The following REXO4 variants were observed in gnomAD, a reference collection of about 807,000 sequenced individuals.
REXO4 encodes REX4 homolog, 3'-5' exonuclease.
In REXO4, 29 loss-of-function variants were observed where a neutral mutation model predicts 39.9. The observed-to-expected ratio is 0.73, with a 90% CI of 0.54 to 0.99. The LOEUF (loss-of-function observed/expected upper bound fraction) is 0.99. Among genes scored for constraint, REXO4 ranks in the 50% least tolerant of loss-of-function variants. The pLI is 0.00. For missense variants in REXO4, 524 were observed against 546.5 expected, an observed-to-expected ratio of 0.96 and a Z score of 0.41; for synonymous variants, 184 against 206.2, an observed-to-expected ratio of 0.89 and a Z score of 0.92.
Position 133,412,512 on chromosome 9 carries a change from T to C in REXO4, c.717-20A>G, listed in dbSNP as rs1554780389. ...GTCAGGCTGAAGGGTAACCAAAGGC[T>C]GTAGTTTAATAAACACGGCAGGCCA... On this transcript the variant is annotated intron_variant, in intron 3 of 7. Coordinates refer to ENST00000371942, the MANE Select transcript of REXO4 (RefSeq NM_020385.4). 6.2e-7 allele frequency: 1 copy of C among 1,612,830 alleles called. No individual in the cohort carries two copies. The highest frequency in any genetic ancestry group is 1.3e-5 in the African/African-American group (1 of 74,896).
chr9:133,408,890 G>A (rs1839055668), intron 5 of REXO4, 48 bp from the exon 6 acceptor site: 1 of 1,197,046 alleles, frequency 8.4e-7, no homozygotes, highest in Non-Finnish European at 1.2e-6. Context: ...TTGGTTTGTA[G>A]TAGCAGAACC....
chr9:133,408,934 TTGTGTGTGTG>T (rs71503345), intron 5 of REXO4, 92 bp from the exon 6 acceptor site: 7,929 of 320,746 alleles, frequency 0.025, 133 homozygotes, highest in Non-Finnish European at 0.033. Context: ...AGTAACATCT[TTGTGTGTGTG>T]TGTGTGTGTG....
Position 133,414,752 on chromosome 9 carries a change from C to T in REXO4, c.485G>A (p.Arg162Lys), listed in dbSNP as rs781924959. The T allele has an allele frequency of 1.5e-5, 24 of 1,614,068 alleles. No homozygotes were observed. The highest frequency in any genetic ancestry group is 1.9e-5 in the Non-Finnish European group (22 of 1,180,060). The change falls in exon 2 of 8, where the codon AGG (arginine) becomes AAG (lysine). Residue 162 changes from arginine (R) to lysine (K), a missense_variant. Coordinates refer to ENST00000371942, the MANE Select transcript of REXO4 (RefSeq NM_020385.4). ...TEHNKKGTKE[R>K]TNGDIVPERG... ...TTCTGGAACAATATCACCATTTGTCCTTTCCTTGGTTCCTTTCTTATTGTG... is the reference window on the plus strand; with the variant it reads ...TTCTGGAACAATATCACCATTTGTCTTTTCCTTGGTTCCTTTCTTATTGTG...
At chr9:133,412,240 G>A in intron 4 of REXO4, 59 bp downstream of exon 4, 2 of 1,551,170 alleles carry the variant, frequency 1.3e-6, no homozygotes, top group Non-Finnish European at 1.8e-6. Context: ...GAACAAAAGG[G>A]AGAAAACGAA....
chr9:133,413,975 C>T (rs1554780845), intron 2 of REXO4, among the ~76,000 whole-genome samples: 2 of 152,222 alleles, frequency 1.3e-5, no homozygotes, highest in African/African-American at 4.8e-5. Flanking sequence ...CAACATGAAG[C>T]CAGCTGTAAC....
chr9:133,412,207 TGAGTGGTC>T (rs1839248193), intron 4 of REXO4, 84 bp downstream of exon 4: 1 of 1,317,196 alleles, frequency 7.6e-7, no homozygotes, highest in African/African-American at 1.4e-5. Context: ...CCAGCTGCAG[TGAGTGGTC>T]TCAGACAGAA....
intron 2 of REXO4, among the ~76,000 whole-genome samples, chr9:133,413,875 C>G (rs1554780831): frequency 2.6e-5 from 4 of 152,176 alleles, no homozygotes; most frequent in South Asian, 2.1e-4. Flanking sequence ...TCACTGAACT[C>G]TATCCCAGAC....
In REXO4 at chr9:133,408,934, T is replaced by TTGTGTG. The variant is rs71503345; in HGVS notation, c.1000-98_1000-93dup. 7.4e-3 allele frequency: 2,386 copies of TTGTGTG among 321,296 alleles called. 69 individuals are homozygous for TTGTGTG. The highest frequency in any genetic ancestry group is 0.042 in the African/African-American group (1,218 of 29,312). The allele number at this position is 321,296 out of a possible 1,614,324, so 19.9% of individuals were successfully genotyped here. ...CCGCCACCTTTTGCAAGTAACATCT[T>TTGTGTG]TGTGTGTGTGTGTGTGTGTGTGTGT... On this transcript the variant is annotated intron_variant, in intron 5 of 7. Coordinates refer to ENST00000371942, the MANE Select transcript of REXO4 (RefSeq NM_020385.4).
Position 133,406,938 on chromosome 9 carries a change from A to C in REXO4, c.*15T>G, listed in dbSNP as rs1838906554. 1 of 1,609,136 alleles carries C rather than the reference A, an allele frequency of 6.2e-7. No individual in the cohort carries two copies. Among genetic ancestry groups the C allele is most frequent in the East Asian group, 2.2e-5 (1 of 44,880 alleles). On this transcript the variant is annotated 3_prime_UTR_variant, in exon 8 of 8. Transcript: ENST00000371942. ...GCCTCTGTAGCGGGGCGGCAGCAGC[A>C]GCAGGGCAGGACTGCTAGGCGTCGT...
At position 133,407,813 on chromosome 9, in the gene REXO4, G is replaced by A. The variant is rs1838991300; in HGVS notation, c.1143C>T (p.His381=). Reference sequence around the variant, plus strand: ...CCCCACAGGACACACTTACTGAACAGTGCTCCGCCTGCTGGACCTGGAGCC... The same window carrying A: ...CCCCACAGGACACACTTACTGAACAATGCTCCGCCTGCTGGACCTGGAGCC... ...ILGLQVQQAE[H]CSIQDAQAAM... is the part of the protein sequence containing the mutation. The change falls in exon 7 of 8, where the codon CAC becomes CAT. Residue 381 remains histidine (H), a synonymous_variant. Coordinates refer to ENST00000371942, the MANE Select transcript of REXO4 (RefSeq NM_020385.4). 4 of 1,613,780 alleles carry A rather than the reference G, an allele frequency of 2.5e-6. No individual in the cohort carries two copies. Among genetic ancestry groups the A allele is most frequent in the Non-Finnish European group, 3.4e-6 (4 of 1,179,850 alleles).
Position 133,408,942 on chromosome 9 carries a change from G to A in REXO4, c.1000-100C>T, listed in dbSNP as rs78780686. On this transcript the variant is annotated intron_variant, in intron 5 of 7. Coordinates refer to ENST00000371942, the MANE Select transcript of REXO4 (RefSeq NM_020385.4). ...TTTTGCAAGTAACATCTTTGTGTGTGTGTGTGTGTGTGTGTGTGTGTGTGT... is the reference window on the plus strand; with the variant it reads ...TTTTGCAAGTAACATCTTTGTGTGTATGTGTGTGTGTGTGTGTGTGTGTGT... The A allele has an allele frequency of 5.2e-5, 17 of 326,974 alleles. No individual in the cohort carries two copies. In the East Asian group the frequency reaches 5.9e-4, roughly 11 times the overall value. 20.3% of individuals were successfully genotyped at this position (326,974 alleles called of 1,614,324 possible).
chr9:133,407,795 G>A lies in REXO4; in HGVS notation c.1149+12C>T. ...CCCAAACCCCATGAACTACCCCACA[G>A]GACACACTTACTGAACAGTGCTCCG... is the stretch of plus-strand genomic sequence containing the variant. On this transcript the variant is annotated intron_variant, in intron 7 of 7. Coordinates refer to ENST00000371942, the MANE Select transcript of REXO4 (RefSeq NM_020385.4). The A allele has an allele frequency of 6.2e-7, 1 of 1,612,462 alleles. No homozygotes were observed. The highest frequency in any genetic ancestry group is 8.5e-7 in the Non-Finnish European group (1 of 1,178,852).
Position 133,411,005 on chromosome 9 carries a change from C to T in REXO4, c.979G>A (p.Ala327Thr), listed in dbSNP as rs140371625. 6.2e-6 allele frequency: 10 copies of T among 1,613,896 alleles called. No homozygotes were observed. Among genetic ancestry groups the T allele is most frequent in the East Asian group, 2.2e-5 (1 of 44,892 alleles). ...MLKGRILVGH[A>T]LHNDLKVLFL... is the part of the protein sequence containing the mutation. ...AGTACCTTTAGGTCATTATGCAGAG[C>T]GTGCCCCACTAGAATTCTGCCCTTC... Residue 327 changes from alanine (A) to threonine (T), a missense_variant, in exon 5 of 8, where the codon GCT (alanine) becomes ACT (threonine). By Grantham distance (58) the Ala-to-Thr change is moderately conservative. Coordinates refer to ENST00000371942, the MANE Select transcript of REXO4 (RefSeq NM_020385.4).
rs1588128766 is a variant in REXO4, at chr9:133,407,960, T to TG, written c.1075-80dup. On this transcript the variant is annotated intron_variant, in intron 6 of 7. Transcript: ENST00000371942. ...GTCACCCCACCAAGCAGGGAGCGGT[T>TG]GGCTACTGAACCTCACCCAAGCGAC... 2.3e-5 allele frequency: 27 copies of TG among 1,159,166 alleles called. No homozygotes were observed. The East Asian group carries it at 6.5e-4, about 28-fold the overall frequency. 71.8% of individuals were successfully genotyped at this position (1,159,166 alleles called of 1,614,324 possible).
intron 7 of REXO4, 81 bp from the exon 8 acceptor site, chr9:133,407,153 A>G: frequency 1.3e-6 from 2 of 1,589,612 alleles, no homozygotes; most frequent in South Asian, 2.2e-5. Context: ...GAGCCCTCCC[A>G]CTAGCCACTC....
At position 133,411,158 on chromosome 9, in the gene REXO4, G is replaced by C. The variant is rs962271298; in HGVS notation, c.911-85C>G. 4 of 1,111,008 alleles carry C rather than the reference G, an allele frequency of 3.6e-6. No homozygotes were observed. The African/African-American group carries it at 6.1e-5, about 17-fold the overall frequency. 68.8% of individuals were successfully genotyped at this position (1,111,008 alleles called of 1,614,324 possible). On this transcript the variant is annotated intron_variant, in intron 4 of 7. Transcript: ENST00000371942. ...AGGAGGCAGCCCCGCTCCTACCCCT[G>C]GTCAGACCTAAGACAAATGGTCAGG...
Position 133,412,498 on chromosome 9 carries a change from G to A in REXO4, c.717-6C>T, listed in dbSNP as rs1317651615. The A allele has an allele frequency of 5.0e-6, 8 of 1,613,706 alleles. No homozygotes were observed. In the East Asian group the frequency reaches 8.9e-5, roughly 18 times the overall value. Reference sequence around the variant, plus strand: ...AGGCTAAGGCTCTTGTCAGGCTGAAGGGTAACCAAAGGCTGTAGTTTAATA... The same window carrying A: ...AGGCTAAGGCTCTTGTCAGGCTGAAAGGTAACCAAAGGCTGTAGTTTAATA... On this transcript the variant is annotated splice_polypyrimidine_tract_variant and splice_region_variant and intron_variant, in intron 3 of 7. Transcript: ENST00000371942.
Position 133,406,842 on chromosome 9 carries a change from T to G in REXO4, c.*111A>C. 2.0e-6 allele frequency: 3 copies of G among 1,508,066 alleles called. No homozygotes were observed. Among genetic ancestry groups the G allele is most frequent in the Non-Finnish European group, 2.7e-6 (3 of 1,108,634 alleles). The allele number at this position is 1,508,066 out of a possible 1,614,324, so 93.4% of individuals were successfully genotyped here. ...AGCACCACGCCACGCCCCTCTGCCATGATTCTGAAAAGGTTTCACCAGAGT... is the reference window on the plus strand; with the variant it reads ...AGCACCACGCCACGCCCCTCTGCCAGGATTCTGAAAAGGTTTCACCAGAGT... On this transcript the variant is annotated 3_prime_UTR_variant, in exon 8 of 8. Coordinates refer to ENST00000371942, the MANE Select transcript of REXO4 (RefSeq NM_020385.4).
rs1372787002 is a variant in REXO4 at position 133,406,744 on chromosome 9, G to A, written c.*209C>T. 2.0e-5 allele frequency: 14 copies of A among 702,468 alleles called. No individual in the cohort carries two copies. The highest frequency in any genetic ancestry group is 7.5e-5 in the South Asian group (4 of 53,568). 43.5% of individuals were successfully genotyped at this position (702,468 alleles called of 1,614,324 possible). ...TCCCTGCTCCCCACCCTGACCATCC[G>A]GGCCCAAACACACATGGACAGTAAG... is the stretch of plus-strand genomic sequence containing the variant. On this transcript the variant is annotated 3_prime_UTR_variant, in exon 8 of 8. Transcript: ENST00000371942.
Sources: allele counts gnomAD v4.1 joint callset (sites outside exome capture counted in the v4.1 genomes callset), GRCh38; gene constraint gnomAD v4.1.1; transcripts MANE v1.5; gene names NCBI Gene and HGNC (gene_info 2026-07-23, HGNC 2026-07-21).